Variants in CCDC102B observed in about 807,000 individuals in gnomAD.
The protein encoded by CCDC102B is coiled-coil domain containing 102B, also known as coiled-coil domain-containing protein 102B.
CCDC102B carries 75 observed loss-of-function variants against 57.4 expected under a neutral mutation model. The ratio of observed to expected loss-of-function variants is 1.31; its 90% CI spans 1.08 to 1.58. CCDC102B has a LOEUF of 1.58. Among genes scored for constraint, CCDC102B ranks in the 40% most tolerant of loss-of-function variants. The probability of loss-of-function intolerance (pLI) is 0.00; values close to 1 mark genes in which losing one functional copy is unlikely to be tolerated. For synonymous variants in CCDC102B, 206 were observed against 201.9 expected (o/e 1.02, Z -0.17); for missense variants, 636 against 582.6 (o/e 1.09, Z -0.94).
intron 5 of CCDC102B, among the ~76,000 whole-genome samples, chr18:68,883,263 T>A (rs1047399904): frequency 1.3e-5 from 2 of 151,336 alleles, no homozygotes; most frequent in Non-Finnish European, 2.9e-5. Flanking sequence ...TACAAAAAAA[T>A]TGCCAGGCAT....
chr18:68,883,265 G>T (rs916935845), intron 5 of CCDC102B, among the ~76,000 whole-genome samples: 2 of 151,954 alleles, frequency 1.3e-5, no homozygotes, highest in Non-Finnish European at 2.9e-5. Context: ...CAAAAAAATT[G>T]CCAGGCATGG....
At chr18:68,828,217 C>T (rs1043505287) in intron 1 of CCDC102B, among the ~76,000 whole-genome samples, 38 of 143,276 alleles carry the variant, frequency 2.7e-4, no homozygotes, top group South Asian at 2.2e-4. Flanking sequence ...ATACAATCAA[C>T]AAATAGGATC....
chr18:69,057,022 C>A (rs748317655), downstream of CCDC102B, among the ~76,000 whole-genome samples: 5 of 151,998 alleles, frequency 3.3e-5, no homozygotes, highest in Non-Finnish European at 7.4e-5. Flanking sequence ...GGCATAATGT[C>A]CTCAAGGTTT....
chr18:68,961,278 T>G (rs1213387137), intron 6 of CCDC102B, among the ~76,000 whole-genome samples: 1 of 152,000 alleles, frequency 6.6e-6, no homozygotes, highest in African/African-American at 2.4e-5. Flanking sequence ...CAGAAGAACC[T>G]GAAAATATGA....
intron 7 of CCDC102B, among the ~76,000 whole-genome samples, chr18:69,047,156 C>T (rs920988945): frequency 1.3e-5 from 2 of 152,004 alleles, no homozygotes; most frequent in African/African-American, 4.8e-5. Flanking sequence ...TGCAAAAAGT[C>T]CTCAACAAAA....
chr18:68,860,811 A>G (rs1184701152), intron 4 of CCDC102B, among the ~76,000 whole-genome samples: 1 of 138,874 alleles, frequency 7.2e-6, no homozygotes, highest in South Asian at 2.4e-4. Flanking sequence ...TTTATTGATT[A>G]TGCTTTATTA....
intron 7 of CCDC102B, among the ~76,000 whole-genome samples, chr18:69,028,101 A>C (rs937918813): frequency 6.6e-6 from 1 of 152,218 alleles, no homozygotes; most frequent in Non-Finnish European, 1.5e-5. Flanking sequence ...AAAAAGACAA[A>C]ATGAAATTAT....
At chr18:69,036,470 T>C (rs528919916) in intron 7 of CCDC102B, among the ~76,000 whole-genome samples, 1 of 152,252 alleles carries the variant, frequency 6.6e-6, no homozygotes, top group East Asian at 1.9e-4. Context: ...AAAGTAAATA[T>C]TGAATTGGAT....
intron 4 of CCDC102B, among the ~76,000 whole-genome samples, chr18:68,868,297 C>A (rs1430338919): frequency 6.6e-6 from 1 of 151,792 alleles, no homozygotes; most frequent in African/African-American, 2.4e-5. Context: ...ATTTGACATC[C>A]TTATTTTGAC....
chr18:68,777,119 A>G (rs1008185494), intron 2 of CCDC102B, among the ~76,000 whole-genome samples: 1 of 152,184 alleles, frequency 6.6e-6, no homozygotes, highest in Non-Finnish European at 1.5e-5. Flanking sequence ...GAACTTTTTG[A>G]TTAAGCAGGT....
intron 7 of CCDC102B, among the ~76,000 whole-genome samples, chr18:69,014,148 GA>G (rs910871049): frequency 3.9e-5 from 6 of 151,956 alleles, no homozygotes; most frequent in South Asian, 2.1e-4. Context: ...GAATCAAATA[GA>G]AAAAAAAGAT....
chr18:68,861,650 G>A (rs1374764000), intron 4 of CCDC102B, among the ~76,000 whole-genome samples: 1 of 152,096 alleles, frequency 6.6e-6, no homozygotes, highest in African/African-American at 2.4e-5. Context: ...GATTATTACT[G>A]GCCTTGTGTG....
At chr18:68,752,766 T>A (rs1464305378) in intron 2 of CCDC102B, among the ~76,000 whole-genome samples, 2 of 152,220 alleles carry the variant, frequency 1.3e-5, no homozygotes, top group Non-Finnish European at 2.9e-5. Flanking sequence ...GAATTTTGTA[T>A]GATTACAAGA....
Position 69,046,853 on chromosome 18 carries a change from G to T in CCDC102B, c.1435-7177G>T, listed in dbSNP as rs565105635. 1.4e-4 allele frequency among the ~76,000 whole-genome samples: 22 copies of T among 152,100 alleles called. No homozygotes were observed. The South Asian group carries it at 4.6e-3, about 32-fold the overall frequency. On this transcript the variant is annotated intron_variant, in intron 7 of 7. Transcript: ENST00000360242. ...CCCAGCACCATTTATTCAATAGAGAGTCCTTTTCCCGTTGCTCATTTTTGT... is the reference window on the plus strand; with the variant it reads ...CCCAGCACCATTTATTCAATAGAGATTCCTTTTCCCGTTGCTCATTTTTGT...
chr18:69,006,928 A>G (rs1046493722), intron 6 of CCDC102B, among the ~76,000 whole-genome samples: 2 of 152,176 alleles, frequency 1.3e-5, no homozygotes, highest in African/African-American at 4.8e-5. Flanking sequence ...AATTTTAGTT[A>G]GGTTGGCCAT....
upstream of CCDC102B, among the ~76,000 whole-genome samples, chr18:68,797,884 C>G (rs80233388): frequency 5.4e-4 from 81 of 151,392 alleles, no homozygotes; most frequent in East Asian, 0.015. Flanking sequence ...ATCCACAGTA[C>G]AGGTTTCAAA....
intron 6 of CCDC102B, among the ~76,000 whole-genome samples, chr18:68,917,153 A>T (rs1005743553): frequency 6.6e-6 from 1 of 151,254 alleles, no homozygotes; most frequent in Admixed American, 6.6e-5. Context: ...GAGAAAACTG[A>T]ATTTCTTGAA....
rs1293856172 is a variant in CCDC102B at position 68,838,913 on chromosome 18, T to C, written c.814T>C (p.Trp272Arg). 6.2e-7 allele frequency: 1 copy of C among 1,613,604 alleles called. No individual in the cohort carries two copies. The highest frequency in any genetic ancestry group is 8.5e-7 in the Non-Finnish European group (1 of 1,179,692). Reference protein sequence around the residue: ...VHLDEFQKILWKEREMRTALE... With the variant: ...VHLDEFQKILRKEREMRTALE... ...TTTGGATGAATTCCAAAAAATCTTA[T>C]GGAAGGAAAGAGAGTAAGTGCTAAT... Residue 272 changes from tryptophan (W) to arginine (R), a missense_variant, in exon 3 of 8, where the codon TGG becomes CGG. Trp to Arg is a moderately radical substitution (Grantham distance 101). Coordinates refer to ENST00000360242, the MANE Select transcript of CCDC102B (RefSeq NM_024781.3).
At chr18:68,850,551 G>A (rs1199778834) in intron 4 of CCDC102B, among the ~76,000 whole-genome samples, 1 of 152,058 alleles carries the variant, frequency 6.6e-6, no homozygotes, top group Non-Finnish European at 1.5e-5. Flanking sequence ...CTTCTAGGTG[G>A]TTGAAGGGAA....
Sources: gnomAD v4.1 joint callset for allele counts (sites outside exome capture counted in the v4.1 genomes callset) on GRCh38, gnomAD v4.1.1 for gene constraint, MANE v1.5 for transcripts, NCBI Gene and HGNC (gene_info 2026-07-23, HGNC 2026-07-21) for gene names.